The following RBM5 variants were observed in gnomAD, a reference collection of about 807,000 sequenced individuals.
The protein encoded by RBM5 is RNA-binding protein 5.
A neutral mutation model predicts 124.6 loss-of-function variants in RBM5; 15 were observed. The ratio of observed to expected loss-of-function variants is 0.12; its 90% confidence interval spans 0.08 to 0.19. The LOEUF (loss-of-function observed/expected upper bound fraction) is 0.19. Among genes scored for constraint, RBM5 ranks in the 10% least tolerant of loss-of-function variants. The pLI, the probability that RBM5 is intolerant of heterozygous loss-of-function variation, is 1.00. For synonymous variants in RBM5, 337 were observed against 361.2 expected (o/e 0.93, Z 0.76); for missense variants, 580 against 1,026.5 (o/e 0.57, Z 5.94).
chr3:50,113,248 G>A, intron 17 of RBM5, 135 bp from the exon 18 acceptor site: 1 of 791,078 alleles, frequency 1.3e-6, no homozygotes, highest in East Asian at 2.8e-5. Flanking sequence ...CTTATACCAA[G>A]GTGTGCCCAG....
chr3:50,097,805 A>G (rs961704131), intron 4 of RBM5, among the ~76,000 whole-genome samples: 3 of 152,132 alleles, frequency 2.0e-5, no homozygotes, highest in Admixed American at 6.5e-5. Flanking sequence ...ATGATCCATT[A>G]AAAATGTTTA....
At chr3:50,104,475 C>CA in intron 8 of RBM5, 167 bp downstream of exon 8, 1 of 633,426 alleles carries the variant, frequency 1.6e-6, no homozygotes, top group Non-Finnish European at 2.8e-6. Context: ...CCTGCCTGTA[C>CA]AAAAAAAGAA....
chr3:50,103,315 C>G (rs1274290745), intron 7 of RBM5, 149 bp downstream of exon 7: 70 of 671,472 alleles, frequency 1.0e-4, no homozygotes, highest in Non-Finnish European at 1.5e-4. Flanking sequence ...TCCTCCTACA[C>G]TGGTATTAGA....
chr3:50,116,174 A>G (rs930664313), intron 22 of RBM5, 194 bp downstream of exon 22: 2 of 578,246 alleles, frequency 3.5e-6, no homozygotes, highest in Admixed American at 5.9e-5. Context: ...TCCCTTCATC[A>G]TAAGGGTGCA....
chr3:50,111,323 C>T (rs1231278285), intron 17 of RBM5, among the ~76,000 whole-genome samples: 3 of 152,190 alleles, frequency 2.0e-5, no homozygotes, highest in Non-Finnish European at 1.5e-5. Flanking sequence ...TTTCATCACT[C>T]GAAGAAGAAA....
In RBM5 at chr3:50,113,363, TTTTG is replaced by T; in HGVS notation, c.1456-13_1456-10del. The T allele has an allele frequency of 6.3e-7, 1 of 1,592,162 alleles. No individual in the cohort carries two copies. Among genetic ancestry groups the T allele is most frequent in the Non-Finnish European group, 8.5e-7 (1 of 1,169,954 alleles). On this transcript the variant is annotated splice_polypyrimidine_tract_variant and intron_variant, in intron 17 of 24. Coordinates refer to ENST00000347869, the MANE Select transcript of RBM5 (RefSeq NM_005778.4). ...TAGCAGAAAGTCTGCATTAATTGTT[TTTTG>T]TTTGTTGTTTTCTAGTACTACTATA...
chr3:50,115,714 G>A (rs1475307369), intron 21 of RBM5, 107 bp downstream of exon 21: 3 of 1,371,642 alleles, frequency 2.2e-6, no homozygotes, highest in Non-Finnish European at 2.0e-6. Context: ...TCTAATGATG[G>A]CCTTACAGAA....
chr3:50,118,130 C>A (rs1487693934), intron 24 of RBM5: 3 of 668,296 alleles, frequency 4.5e-6, no homozygotes, highest in African/African-American at 3.6e-5. Context: ...TTTGCTTCAT[C>A]TGCCTGTGTT....
intron 4 of RBM5, among the ~76,000 whole-genome samples, chr3:50,095,336 A>G (rs2090791343): frequency 6.6e-6 from 1 of 152,190 alleles, no homozygotes. Flanking sequence ...TTTTTATTGA[A>G]TTAGTTACTT....
chr3:50,100,625 C>T lies in RBM5; in HGVS notation c.483+20C>T, dbSNP rs1468770166. On this transcript the variant is annotated intron_variant, in intron 6 of 24. Coordinates refer to ENST00000347869, the MANE Select transcript of RBM5 (RefSeq NM_005778.4). The surrounding 1 kb of genome is among the most constrained non-coding windows in gnomAD (Gnocchi z 5.1). The stretch of plus-strand genomic sequence containing the variant: ...AATCAGGTTGCTTCACTCACCAAGT[C>T]TAGATATTCATGAAAATGGAACAAG... 1 of 1,568,332 alleles carries T rather than the reference C, an allele frequency of 6.4e-7. No individual in the cohort carries two copies. Among genetic ancestry groups the T allele is most frequent in the Admixed American group, 1.7e-5 (1 of 59,774 alleles).
chr3:50,111,437 C>T (rs1283005242), intron 17 of RBM5, among the ~76,000 whole-genome samples: 3 of 152,026 alleles, frequency 2.0e-5, no homozygotes, highest in Non-Finnish European at 4.4e-5. Flanking sequence ...TTTTTTGTGG[C>T]ACGATCTTGG....
intron 19 of RBM5, 29 bp downstream of exon 19, chr3:50,114,128 G>C (rs376246204): frequency 1.2e-6 from 2 of 1,614,174 alleles, no homozygotes; most frequent in South Asian, 2.2e-5. Context: ...AGTATGTCAT[G>C]ATGGGAACTT....
rs1216060424 is a variant in RBM5, at chr3:50,092,097, C to T, written c.72C>T (p.Asp24=). 1.2e-6 allele frequency: 2 copies of T among 1,613,772 alleles called. No homozygotes were observed. The highest frequency in any genetic ancestry group is 2.2e-5 in the East Asian group (1 of 44,892). ...ACGGTTCCATCATAGACAGGGATGA[C>T]CGTGATGAGCGTGAATCCCGAAGCA... ...GRYGSIIDRD[D]RDERESRSRR... is the part of the protein sequence containing the mutation. Residue 24 remains aspartate, a synonymous_variant, in exon 3 of 25, where the codon GAC becomes GAT. Transcript: ENST00000347869.
chr3:50,118,261 G>A, intron 24 of RBM5, 70 bp from the exon 25 acceptor site: 2 of 1,595,690 alleles, frequency 1.3e-6, no homozygotes, highest in Admixed American at 3.4e-5. Flanking sequence ...GCTGGGTAAG[G>A]AGTGGGCATG....
At chr3:50,089,791 G>A (rs950195802) in intron 1 of RBM5, 5 of 154,188 alleles carry the variant, frequency 3.2e-5, no homozygotes, top group African/African-American at 1.2e-4. Context: ...CTACTCAGTG[G>A]TTTGTAGTCA....
intron 6 of RBM5, chr3:50,101,909 C>T (rs1402280782): frequency 6.6e-6 from 1 of 152,178 alleles, no homozygotes; most frequent in Admixed American, 6.5e-5. Flanking sequence ...CACATATCTC[C>T]CAGCTTTTTT....
intron 6 of RBM5, chr3:50,102,833 G>A (rs1052871018): frequency 4.3e-6 from 2 of 461,800 alleles, no homozygotes; most frequent in African/African-American, 2.0e-5. Flanking sequence ...ACGGCCTGGT[G>A]CAAGTCAGCG....
At chr3:50,102,445 A>G (rs1455945116) in intron 6 of RBM5, 1 of 152,242 alleles carries the variant, frequency 6.6e-6, no homozygotes. Flanking sequence ...CACCTAGGAC[A>G]TGACATGGTT....
At chr3:50,089,231 C>T (rs1183539088) in intron 1 of RBM5, among the ~76,000 whole-genome samples, 2 of 152,240 alleles carry the variant, frequency 1.3e-5, no homozygotes, top group Non-Finnish European at 2.9e-5. Flanking sequence ...CCAGCTCAGC[C>T]TTGGGCCTGC....
Sources: allele counts gnomAD v4.1 joint callset (sites outside exome capture counted in the v4.1 genomes callset), GRCh38; gene constraint gnomAD v4.1.1; non-coding constraint Gnocchi (gnomAD v3.1); transcripts MANE v1.5; gene names NCBI Gene and HGNC (gene_info 2026-07-23, HGNC 2026-07-21).